Variants in NSD2 observed in about 807,000 individuals in gnomAD.
The protein encoded by NSD2 is nuclear receptor binding SET domain protein 2.
NSD2 carries 12 observed loss-of-function variants against 139.0 expected under a neutral mutation model. That is an observed-to-expected ratio of 0.09 (90% CI 0.06 to 0.14). The LOEUF is 0.14. NSD2 is among the 10% of genes least tolerant of loss of function. NSD2 has a pLI of 1.00. For missense variants in NSD2, 1,155 were observed against 1,745.0 expected (o/e 0.66, Z 6.02); for synonymous variants, 669 against 648.7 (o/e 1.03, Z -0.48).
intron 9 of NSD2, chr4:1,944,008 C>T: frequency 3.8e-6 from 4 of 1,065,504 alleles, no homozygotes; most frequent in Non-Finnish European, 4.5e-6. Context: ...GTCCAAAGAG[C>T]AGCATGACAT....
chr4:1,932,592 C>T (rs965695215), intron 6 of NSD2, among the ~76,000 whole-genome samples: 21 of 149,304 alleles, frequency 1.4e-4, no homozygotes, highest in Non-Finnish European at 2.5e-4. Flanking sequence ...ACTAAAAATA[C>T]AAAATTAGCC....
rs199956960 is a variant in NSD2 at position 1,978,831 on chromosome 4, G to C, written c.4020G>C (p.Lys1340Asn). ...AASVRSTKTE[K>N]PPPEPGKPKG... ...CGGTCAGAAGCACCAAGACTGAGAA[G>C]CCCCCCCCAGAGCCAGGGAAGCCGA... Residue 1340 changes from lysine (K) to asparagine (N), a missense_variant, in exon 22 of 22, where the codon AAG (lysine) becomes AAC (asparagine). Transcript: ENST00000508803. The C allele has an allele frequency of 9.1e-5, 146 of 1,601,498 alleles. No homozygotes were observed. The highest frequency in any genetic ancestry group is 1.1e-4 in the Non-Finnish European group (131 of 1,171,654).
intron 1 of NSD2, among the ~76,000 whole-genome samples, chr4:1,873,032 G>A (rs1270758237): frequency 6.6e-6 from 1 of 152,188 alleles, no homozygotes; most frequent in East Asian, 1.9e-4. Flanking sequence ...AACTGATGGT[G>A]GTTCAAATCT....
At chr4:1,938,891 A>C (rs1722775057) in intron 8 of NSD2, among the ~76,000 whole-genome samples, 1 of 152,228 alleles carries the variant, frequency 6.6e-6, no homozygotes, top group Non-Finnish European at 1.5e-5. Flanking sequence ...GTCACCCTTC[A>C]GTACCCTGAC....
chr4:1,950,899 T>TA (rs1300861580), intron 9 of NSD2, among the ~76,000 whole-genome samples, 173 bp from the exon 10 acceptor site: 7 of 151,952 alleles, frequency 4.6e-5, no homozygotes, highest in African/African-American at 1.7e-4. Flanking sequence ...CGGGTTATAT[T>TA]ATCACAAAAA....
At position 1,948,522 on chromosome 4, in the gene NSD2, T is replaced by A; in HGVS notation, c.1882-2550T>A. On this transcript the variant is annotated intron_variant, in intron 9 of 21. Transcript: ENST00000508803. The surrounding 1 kb of genome is among the most constrained non-coding windows in gnomAD (Gnocchi z 4.5). ...CCGAGAGCATTGGATCCTCCCCGACTGTGGCTAGTTGTCTGTCCGGTGGCT... is the reference window on the plus strand; with the variant it reads ...CCGAGAGCATTGGATCCTCCCCGACAGTGGCTAGTTGTCTGTCCGGTGGCT... The A allele has an allele frequency of 9.4e-7, 1 of 1,064,338 alleles. No individual in the cohort carries two copies. Among genetic ancestry groups the A allele is most frequent in the Non-Finnish European group, 1.1e-6 (1 of 877,804 alleles). 65.9% of individuals were successfully genotyped at this position (1,064,338 alleles called of 1,614,324 possible). A position where few individuals can be genotyped will look rare whatever the true frequency, so the allele number is the denominator to read the frequency against.
intron 1 of NSD2, among the ~76,000 whole-genome samples, chr4:1,891,713 C>T (rs565258036): frequency 2.6e-5 from 4 of 151,816 alleles, no homozygotes; most frequent in African/African-American, 4.8e-5. Flanking sequence ...AAAAATTAGC[C>T]GGGCGTGGTG....
chr4:1,978,856 A>G lies in NSD2; in HGVS notation c.4045A>G (p.Lys1349Glu). 1 of 1,600,818 alleles carries G rather than the reference A, an allele frequency of 6.2e-7. No homozygotes were observed. Among genetic ancestry groups the G allele is most frequent in the Non-Finnish European group, 8.5e-7 (1 of 1,171,016 alleles). ...GCCCCCCCCAGAGCCAGGGAAGCCG[A>G]AGGGGAAGAGGCGGCGGCGGAGGGG... ...EKPPPEPGKP[K>E]GKRRRRRGWR... The change falls in exon 22 of 22, where the codon AAG (lysine) becomes GAG (glutamate). Residue 1349 changes from lysine (K) to glutamate (E), a missense_variant. This residue lies in a region of NSD2 where 132 missense variants were observed against 94.3 expected (regional missense o/e 1.40). Coordinates refer to ENST00000508803, the MANE Select transcript of NSD2 (RefSeq NM_001042424.3).
Position 1,976,183 on chromosome 4 carries a change from C to G in NSD2, c.3622-292C>G, listed in dbSNP as rs1475958705. On this transcript the variant is annotated intron_variant, in intron 20 of 21. Coordinates refer to ENST00000508803, the MANE Select transcript of NSD2 (RefSeq NM_001042424.3). This position sits in a 1 kb window ranked among gnomAD's most constrained non-coding sequence, Gnocchi z 5.3. ...GTGGTGGCCTCCTTTGCCAGTGGGTCCCATCAGCAGATCCTGGAGCTGTGT... is the reference window on the plus strand; with the variant it reads ...GTGGTGGCCTCCTTTGCCAGTGGGTGCCATCAGCAGATCCTGGAGCTGTGT... Among the ~76,000 whole-genome samples the G allele has an allele frequency of 6.6e-6, 1 of 152,188 alleles. No homozygotes were observed. The highest frequency in any genetic ancestry group is 1.5e-5 in the Non-Finnish European group (1 of 68,032).
rs773049879 is a variant in NSD2 at position 1,978,931 on chromosome 4, G to A, written c.*22G>A. 2.0e-6 allele frequency: 3 copies of A among 1,476,628 alleles called. No individual in the cohort carries two copies. Among genetic ancestry groups the A allele is most frequent in the Non-Finnish European group, 2.7e-6 (3 of 1,110,928 alleles). 91.5% of individuals were successfully genotyped at this position (1,476,628 alleles called of 1,614,324 possible). ...ATAGCGCCAGGCGGCCGCTTGGCCG[G>A]ATCCAGGGGCGGTGCAGGGCGGCCG... On this transcript the variant is annotated 3_prime_UTR_variant, in exon 22 of 22. Coordinates refer to ENST00000508803, the MANE Select transcript of NSD2 (RefSeq NM_001042424.3).
Position 1,976,762 on chromosome 4 carries a change from A to C in NSD2, c.3826+83A>C. The C allele has an allele frequency of 4.9e-6, 7 of 1,432,630 alleles. No individual in the cohort carries two copies. The highest frequency in any genetic ancestry group is 6.6e-6 in the Non-Finnish European group (7 of 1,068,330). 88.7% of individuals were successfully genotyped at this position (1,432,630 alleles called of 1,614,324 possible). A position where few individuals can be genotyped will look rare whatever the true frequency, so the allele number is the denominator to read the frequency against. On this transcript the variant is annotated intron_variant, in intron 21 of 21. Transcript: ENST00000508803. This position sits in a 1 kb window ranked among gnomAD's most constrained non-coding sequence, Gnocchi z 5.3. ...GCGGCTGCTGCCGCTCTTCCTGCTG[A>C]CCGGGCCTCATCTGGGTGCAGGCAC...
rs1238840028 is a variant in NSD2, at chr4:1,956,238, T to C, written c.2881+50T>C. The C allele has an allele frequency of 6.9e-7, 1 of 1,458,258 alleles. No individual in the cohort carries two copies. Among genetic ancestry groups the C allele is most frequent in the Non-Finnish European group, 9.2e-7 (1 of 1,085,602 alleles). The allele number at this position is 1,458,258 out of a possible 1,614,324, so 90.3% of individuals were successfully genotyped here. ...TGAGACAGCACTCTCGTGCATTTTCTTACCCCTAATTTCTATTTTTTAAAA... is the reference window on the plus strand; with the variant it reads ...TGAGACAGCACTCTCGTGCATTTTCCTACCCCTAATTTCTATTTTTTAAAA... On this transcript the variant is annotated intron_variant, in intron 15 of 21. Transcript: ENST00000508803. This position sits in a 1 kb window ranked among gnomAD's most constrained non-coding sequence, Gnocchi z 5.3.
intron 3 of NSD2, among the ~76,000 whole-genome samples, chr4:1,908,122 A>G (rs1409110259): frequency 6.6e-6 from 1 of 152,220 alleles, no homozygotes. Flanking sequence ...GTTGAGATGC[A>G]TACTCGGCAT....
intron 1 of NSD2, among the ~76,000 whole-genome samples, chr4:1,899,598 G>A (rs531998006): frequency 3.3e-5 from 5 of 152,308 alleles, no homozygotes; most frequent in African/African-American, 9.6e-5. Context: ...GCTTGTGATG[G>A]TGTACTCCTG....
rs1354860387 is a variant in NSD2 at position 1,955,111 on chromosome 4, T to G, written c.2339-50T>G. On this transcript the variant is annotated intron_variant, in intron 12 of 21. Transcript: ENST00000508803. This position sits in a 1 kb window ranked among gnomAD's most constrained non-coding sequence, Gnocchi z 4.7. ...TAATTATTAGTTGCTCTTTTCACTATGACTGGAGTCAGTGTTTGGGGTCCT... is the reference window on the plus strand; with the variant it reads ...TAATTATTAGTTGCTCTTTTCACTAGGACTGGAGTCAGTGTTTGGGGTCCT... The G allele has an allele frequency of 6.5e-7, 1 of 1,541,114 alleles. No homozygotes were observed. The highest frequency in any genetic ancestry group is 1.2e-5 in the South Asian group (1 of 83,938).
intron 1 of NSD2, among the ~76,000 whole-genome samples, chr4:1,889,504 C>CTT (rs768102024): frequency 7.0e-6 from 1 of 142,368 alleles, no homozygotes; most frequent in Non-Finnish European, 1.5e-5. Flanking sequence ...CAAGATTTGA[C>CTT]TTTTTTTTTT....
intron 1 of NSD2, among the ~76,000 whole-genome samples, chr4:1,878,761 C>T (rs1248525291): frequency 1.3e-5 from 2 of 152,088 alleles, no homozygotes; most frequent in African/African-American, 4.8e-5. Context: ...GGGCTGGTGG[C>T]AGAGGTCACA....
At chr4:1,971,734 T>G (rs1237352941) in intron 18 of NSD2, among the ~76,000 whole-genome samples, 1 of 152,140 alleles carries the variant, frequency 6.6e-6, no homozygotes, top group Non-Finnish European at 1.5e-5. Context: ...GAGCAGTTCC[T>G]TGTGACCGAG....
chr4:1,873,627 C>T (rs1011511012), intron 1 of NSD2, among the ~76,000 whole-genome samples: 1 of 152,224 alleles, frequency 6.6e-6, no homozygotes, highest in African/African-American at 2.4e-5. Context: ...GTACAGCCTT[C>T]TGCCTATTCA....
Sources: gnomAD v4.1 joint callset for allele counts (sites outside exome capture counted in the v4.1 genomes callset) on GRCh38, gnomAD v4.1.1 for gene constraint, gnomAD v4.1.1 regional missense constraint, Gnocchi (gnomAD v3.1) non-coding constraint, MANE v1.5 for transcripts, NCBI Gene and HGNC (gene_info 2026-07-23, HGNC 2026-07-21) for gene names.